Variants in TMLHE observed in about 807,000 individuals in gnomAD.
TMLHE encodes trimethyllysine dioxygenase, mitochondrial.
A neutral mutation model predicts 25.7 loss-of-function variants in TMLHE; 18 were observed. The observed-to-expected ratio is 0.70, with a 90% confidence interval of 0.48 to 1.04. The LOEUF (loss-of-function observed/expected upper bound fraction) is 1.04. Among genes scored for constraint, TMLHE ranks in the 50% least tolerant of loss-of-function variants. The pLI, the probability that TMLHE is intolerant of heterozygous loss-of-function variation, is 0.00. For missense variants in TMLHE, 236 were observed against 259.0 expected, an observed-to-expected ratio of 0.91 and a Z score of 0.61; for synonymous variants, 105 against 97.0, an observed-to-expected ratio of 1.08 and a Z score of -0.49.
At chrX:155,564,460 A>G (rs1325269301) in intron 1 of TMLHE, among the ~76,000 whole-genome samples, 2 of 62,020 alleles carry the variant, frequency 3.2e-5, no homozygotes, top group East Asian at 1.4e-3. Context: ...CAGATCTAAG[A>G]AAGTTTCAGG....
At position 155,603,794 on chromosome X, in the gene TMLHE, G is replaced by A. The variant is rs148243557; in HGVS notation, c.-2+8998C>T. Among the ~76,000 whole-genome samples the A allele has an allele frequency of 5.3e-3, 593 of 112,028 alleles. 2 individuals are homozygous for A. The highest frequency in any genetic ancestry group is 0.019 in the African/African-American group (575 of 30,831). On this transcript the variant is annotated intron_variant, in intron 1 of 7. Transcript: ENST00000334398. ...CACAGAATGAATCAGAGTCATAAAC[G>A]AAAGACGTAAAAGTATAAAACTTTT...
chrX:155,550,260 T>C (rs1603053175), intron 1 of TMLHE, among the ~76,000 whole-genome samples: 1 of 110,906 alleles, frequency 9.0e-6, no homozygotes, highest in Admixed American at 9.5e-5. Flanking sequence ...TATGCATATA[T>C]GAAAATTTAC....
At chrX:155,584,373 T>C (rs2067651110) in intron 1 of TMLHE, among the ~76,000 whole-genome samples, 1 of 110,839 alleles carries the variant, frequency 9.0e-6, no homozygotes, top group African/African-American at 3.3e-5. Context: ...TGGGATACCA[T>C]AAAGTGATCA....
intron 3 of TMLHE, among the ~76,000 whole-genome samples, chrX:155,518,300 C>G (rs2067169945): frequency 1.2e-5 from 1 of 86,137 alleles, no homozygotes; most frequent in Non-Finnish European, 2.3e-5. Context: ...GTCTTTGGCT[C>G]TGTTTATATG....
At chrX:155,512,323 C>T (rs1430578770) in intron 4 of TMLHE, among the ~76,000 whole-genome samples, 1 of 100,719 alleles carries the variant, frequency 9.9e-6, no homozygotes, top group Non-Finnish European at 2.0e-5. Flanking sequence ...CCCCCTTCCC[C>T]CCACCCCACA....
intron 2 of TMLHE, among the ~76,000 whole-genome samples, chrX:155,525,704 C>T (rs1401964229): frequency 8.9e-6 from 1 of 112,008 alleles, no homozygotes; most frequent in African/African-American, 3.2e-5. Context: ...GAAGTCCATA[C>T]TGAGGTGGTC....
intron 2 of TMLHE, among the ~76,000 whole-genome samples, chrX:155,543,806 A>G (rs1348976037): frequency 6.2e-5 from 7 of 112,166 alleles, no homozygotes; most frequent in Non-Finnish European, 1.3e-4. Flanking sequence ...AAAGCCAGAC[A>G]TCTTGTATAG....
At chrX:155,532,298 T>A (rs2067253350) in intron 2 of TMLHE, among the ~76,000 whole-genome samples, 1 of 112,106 alleles carries the variant, frequency 8.9e-6, no homozygotes, top group Non-Finnish European at 1.9e-5. Flanking sequence ...TCCTATTGCC[T>A]AAGTCAAACA....
chrX:155,557,823 T>G (rs2067468618), intron 1 of TMLHE, among the ~76,000 whole-genome samples: 1 of 111,032 alleles, frequency 9.0e-6, no homozygotes, highest in Non-Finnish European at 1.9e-5. Context: ...TTAAAAAAAG[T>G]TTTCCCCCCA....
chrX:155,597,623 G>A (rs1374560513), intron 1 of TMLHE, among the ~76,000 whole-genome samples: 1 of 111,432 alleles, frequency 9.0e-6, no homozygotes, highest in Non-Finnish European at 1.9e-5. Context: ...CAGGCTTAGT[G>A]TTTCTTAAGC....
At chrX:155,606,644 TA>T (rs782091818) in intron 1 of TMLHE, among the ~76,000 whole-genome samples, 4 of 108,030 alleles carry the variant, frequency 3.7e-5, no homozygotes, top group East Asian at 2.9e-4. Flanking sequence ...CATTCAATGA[TA>T]AAAAAAATGA....
chrX:155,591,015 G>A (rs1195607909), intron 1 of TMLHE, among the ~76,000 whole-genome samples: 1 of 111,332 alleles, frequency 9.0e-6, no homozygotes, highest in African/African-American at 3.3e-5. Context: ...GAAAGGATGG[G>A]GAAAGATATA....
In TMLHE at chrX:155,611,536, T is replaced by C. The variant is rs192232478; in HGVS notation, c.-2+1256A>G. ...TGAAACAGAGGCCAAAACAAGGAAGTGATCTGTTCCAGTCCAAGCTTCCAA... is the reference window on the plus strand; with the variant it reads ...TGAAACAGAGGCCAAAACAAGGAAGCGATCTGTTCCAGTCCAAGCTTCCAA... On this transcript the variant is annotated intron_variant, in intron 1 of 7. Transcript: ENST00000334398. 1.6e-4 allele frequency: 18 copies of C among 111,329 alleles called. No individual in the cohort carries two copies. In the East Asian group the frequency reaches 4.2e-3, roughly 26 times the overall value. 9.2% of individuals were successfully genotyped at this position (111,329 alleles called of 1,213,427 possible).
At chrX:155,538,670 C>G (rs782141476) in intron 2 of TMLHE, among the ~76,000 whole-genome samples, 1 of 111,767 alleles carries the variant, frequency 8.9e-6, no homozygotes, top group African/African-American at 3.2e-5. Context: ...AATCACTTAC[C>G]TGCATCTGTG....
intron 1 of TMLHE, among the ~76,000 whole-genome samples, chrX:155,550,375 C>T (rs1004532168): frequency 1.8e-5 from 2 of 110,852 alleles, no homozygotes; most frequent in African/African-American, 6.7e-5. Context: ...TAAGTTCTTT[C>T]TATAATGTTT....
intron 1 of TMLHE, among the ~76,000 whole-genome samples, chrX:155,576,363 C>T (rs2124466376): frequency 9.0e-6 from 1 of 111,600 alleles, no homozygotes; most frequent in East Asian, 2.8e-4. Flanking sequence ...TCATAGATGA[C>T]ACCAACAAAT....
At chrX:155,578,864 A>G (rs908963468) in intron 1 of TMLHE, among the ~76,000 whole-genome samples, 1 of 111,683 alleles carries the variant, frequency 9.0e-6, no homozygotes, top group Non-Finnish European at 1.9e-5. Flanking sequence ...ACTTTGCCCT[A>G]GAAAACCCTA....
chrX:155,548,532 GAGGCCAGCCTGA>G (rs2067378112), intron 1 of TMLHE, among the ~76,000 whole-genome samples: 1 of 107,436 alleles, frequency 9.3e-6, no homozygotes, highest in Non-Finnish European at 1.9e-5. Context: ...TCAGCAGTAT[GAGGCCAGCCTGA>G]CTAACATGGT....
chrX:155,529,923 C>T (rs1354143465), intron 2 of TMLHE, among the ~76,000 whole-genome samples: 3 of 111,532 alleles, frequency 2.7e-5, no homozygotes, highest in Non-Finnish European at 5.7e-5. Flanking sequence ...AAATCATTGC[C>T]AAGGCCAATG....
Sources: allele counts gnomAD v4.1 joint callset (sites outside exome capture counted in the v4.1 genomes callset), GRCh38; gene constraint gnomAD v4.1.1; transcripts MANE v1.5; gene names NCBI Gene and HGNC (gene_info 2026-07-23, HGNC 2026-07-21).